The following CHRDL1 variants were observed in gnomAD, a reference collection of about 807,000 sequenced individuals.
CHRDL1 encodes chordin like 1.
A neutral mutation model predicts 40.9 loss-of-function variants in CHRDL1; 19 were observed. The ratio of observed to expected loss-of-function variants is 0.46; its 90% CI spans 0.32 to 0.68. The LOEUF (loss-of-function observed/expected upper bound fraction) is 0.68. CHRDL1 is among the 30% of genes least tolerant of loss of function. The probability of loss-of-function intolerance (pLI) is 0.03; values close to 1 mark genes in which losing one functional copy is unlikely to be tolerated. For missense variants in CHRDL1, 329 were observed against 352.1 expected (o/e 0.93, Z 0.53); for synonymous variants, 136 against 123.4 (o/e 1.10, Z -0.68).
intron 2 of CHRDL1, among the ~76,000 whole-genome samples, chrX:110,790,731 A>G (rs1363337191): frequency 9.1e-6 from 1 of 109,649 alleles, no homozygotes; most frequent in Non-Finnish European, 1.9e-5. Flanking sequence ...GAATGCATGG[A>G]TGCTTCTGTC....
Position 110,689,967 on chromosome X carries a change from C to A in CHRDL1, c.779-1164G>T, listed in dbSNP as rs775783149. 5.9e-3 allele frequency among the ~76,000 whole-genome samples: 126 copies of A among 21,315 alleles called. 15 individuals are homozygous for A. Among genetic ancestry groups the A allele is most frequent in the African/African-American group, 0.018 (31 of 1,757 alleles). The allele number at this position is 21,315 out of a possible 115,157, so 18.5% of individuals were successfully genotyped here. A position where few individuals can be genotyped will look rare whatever the true frequency, so the allele number is the denominator to read the frequency against. ...TATATATCTATATATATCTATATATCTATATATATCTATATATCTATATAT... is the reference window on the plus strand; with the variant it reads ...TATATATCTATATATATCTATATATATATATATATCTATATATCTATATAT... On this transcript the variant is annotated intron_variant, in intron 8 of 11. Transcript: ENST00000372042.
chrX:110,698,263 AATTTGAAGAGTTTATCTCTG>A (rs897012895), intron 7 of CHRDL1, among the ~76,000 whole-genome samples: 1 of 110,969 alleles, frequency 9.0e-6, no homozygotes, highest in Admixed American at 9.6e-5. Flanking sequence ...GCAAACAACA[AATTTGAAGAGTTTATCTCTG>A]ATTTGAGACA....
At chrX:110,786,051 T>G (rs2090012328) in intron 2 of CHRDL1, among the ~76,000 whole-genome samples, 1 of 112,073 alleles carries the variant, frequency 8.9e-6, no homozygotes, top group Non-Finnish European at 1.9e-5. Context: ...GAAACCAAGG[T>G]TACCCAGAAT....
intron 4 of CHRDL1, among the ~76,000 whole-genome samples, chrX:110,753,151 C>A (rs964558122): frequency 8.9e-6 from 1 of 112,043 alleles, no homozygotes; most frequent in Non-Finnish European, 1.9e-5. Context: ...GTGGAAACAA[C>A]CCAAATGACT....
chrX:110,777,787 T>C (rs2089875582), intron 2 of CHRDL1, among the ~76,000 whole-genome samples: 1 of 111,823 alleles, frequency 8.9e-6, no homozygotes, highest in South Asian at 3.7e-4. Context: ...GCAAATATTT[T>C]TCCCAGTCTG....
chrX:110,780,501 AT>A (rs1487137567), intron 2 of CHRDL1, among the ~76,000 whole-genome samples: 1 of 111,788 alleles, frequency 8.9e-6, no homozygotes, highest in African/African-American at 3.2e-5. Flanking sequence ...CCAATCCCCT[AT>A]CTTGGGATAT....
chrX:110,784,527 T>TCGGCTGAGG (rs2089988146), intron 2 of CHRDL1, among the ~76,000 whole-genome samples: 3 of 109,568 alleles, frequency 2.7e-5, no homozygotes, highest in Non-Finnish European at 3.8e-5. Flanking sequence ...TTCTCCTGCC[T>TCGGCTGAGG]CAGCCTCCCG....
At chrX:110,790,673 T>C (rs1245339170) in intron 2 of CHRDL1, among the ~76,000 whole-genome samples, 1 of 109,964 alleles carries the variant, frequency 9.1e-6, no homozygotes. Flanking sequence ...ATTGTACTTA[T>C]TGAGTAATAT....
intron 4 of CHRDL1, among the ~76,000 whole-genome samples, chrX:110,753,714 T>C (rs1187350723): frequency 9.0e-6 from 1 of 111,679 alleles, no homozygotes; most frequent in African/African-American, 3.3e-5. Flanking sequence ...TCTAGACTCC[T>C]TTTTAATATA....
chrX:110,689,770 T>TATCTATATATCTATATATATCTATAC lies in CHRDL1; in HGVS notation c.779-993_779-968dup, dbSNP rs1569462208. On this transcript the variant is annotated intron_variant, in intron 8 of 11. Coordinates refer to ENST00000372042, the MANE Select transcript of CHRDL1 (RefSeq NM_001143981.2). Reference sequence around the variant, plus strand: ...ATCTATATATCTATATATCTATATATATCTATATATCTATATATATCTATA... The same window carrying TATCTATATATCTATATATATCTATAC: ...ATCTATATATCTATATATCTATATATATCTATATATCTATATATATCTATACATCTATATATCTATATATATCTATA... 1.1e-4 allele frequency among the ~76,000 whole-genome samples: 8 copies of TATCTATATATCTATATATATCTATAC among 71,843 alleles called. 3 individuals carry two copies. Among genetic ancestry groups the TATCTATATATCTATATATATCTATAC allele is most frequent in the East Asian group, 3.5e-4 (1 of 2,898 alleles). 62.4% of individuals were successfully genotyped at this position (71,843 alleles called of 115,157 possible). A position where few individuals can be genotyped will look rare whatever the true frequency, so the allele number is the denominator to read the frequency against.
At chrX:110,703,033 TTA>T (rs1353847365) in intron 6 of CHRDL1, among the ~76,000 whole-genome samples, 2 of 112,166 alleles carry the variant, frequency 1.8e-5, no homozygotes, top group African/African-American at 6.5e-5. Context: ...GAATGAGAGA[TTA>T]TGTCTTAGAC....
At chrX:110,689,427 T>C (rs865955581) in intron 8 of CHRDL1, among the ~76,000 whole-genome samples, 18 of 67,755 alleles carry the variant, frequency 2.7e-4, no homozygotes, top group African/African-American at 1.9e-3. Flanking sequence ...TATATATCTA[T>C]ATATCTATAT....
chrX:110,753,364 G>T, intron 4 of CHRDL1, among the ~76,000 whole-genome samples: 1 of 112,052 alleles, frequency 8.9e-6, no homozygotes, highest in Admixed American at 9.4e-5. Flanking sequence ...CAAATCCATA[G>T]AGAAGTAGAT....
At chrX:110,774,892 G>A (rs1421678116) in intron 2 of CHRDL1, among the ~76,000 whole-genome samples, 1 of 111,712 alleles carries the variant, frequency 9.0e-6, no homozygotes, top group Non-Finnish European at 1.9e-5. Context: ...CAATTTGCAA[G>A]TAATGGCCTA....
intron 6 of CHRDL1, among the ~76,000 whole-genome samples, chrX:110,716,701 T>C (rs1348168003): frequency 9.0e-6 from 1 of 111,311 alleles, no homozygotes; most frequent in Non-Finnish European, 1.9e-5. Flanking sequence ...CTACTACTTA[T>C]CAAAATGCGA....
At chrX:110,795,259 C>T (rs758657836) in intron 1 of CHRDL1, among the ~76,000 whole-genome samples, 151 of 111,497 alleles carry the variant, frequency 1.4e-3, no homozygotes, top group Non-Finnish European at 2.3e-3. Flanking sequence ...CCTAGTGTCT[C>T]AAATTCTGAC....
At chrX:110,774,220 T>C (rs1430965999) in intron 2 of CHRDL1, among the ~76,000 whole-genome samples, 1 of 111,947 alleles carries the variant, frequency 8.9e-6, no homozygotes, top group East Asian at 2.8e-4. Flanking sequence ...GCTAGCACAG[T>C]ATATATTGTT....
chrX:110,732,124 G>C (rs1364820867), intron 4 of CHRDL1, among the ~76,000 whole-genome samples: 1 of 111,209 alleles, frequency 9.0e-6, no homozygotes, highest in Non-Finnish European at 1.9e-5. Flanking sequence ...GAAGAGAAAG[G>C]TAAATTAAAA....
Position 110,709,743 on chromosome X carries a change from G to A in CHRDL1, c.542-9022C>T, listed in dbSNP as rs1033316584. 1.2e-4 allele frequency among the ~76,000 whole-genome samples: 13 copies of A among 112,213 alleles called. No homozygotes were observed. In the South Asian group the frequency reaches 1.9e-3, roughly 16 times the overall value. Reference sequence around the variant, plus strand: ...GTGCCCACTGAGCGCGGTGACTCATGCCTGTAATCTCAGCACTTTGGGAGG... The same window carrying A: ...GTGCCCACTGAGCGCGGTGACTCATACCTGTAATCTCAGCACTTTGGGAGG... On this transcript the variant is annotated intron_variant, in intron 6 of 11. Transcript: ENST00000372042.
Sources: allele counts gnomAD v4.1 joint callset (sites outside exome capture counted in the v4.1 genomes callset), GRCh38; gene constraint gnomAD v4.1.1; transcripts MANE v1.5; gene names NCBI Gene and HGNC (gene_info 2026-07-23, HGNC 2026-07-21).